RMST: variants seen among roughly 807,000 people sequenced by gnomAD.
RMST encodes long intergenic non-protein coding RNA 54.
intron 11 of RMST, chr12:97,551,880 GAT>G (rs1883334326): frequency 6.6e-6 from 1 of 152,154 alleles, no homozygotes; most frequent in Non-Finnish European, 1.5e-5. Flanking sequence ...AATGGACCAA[GAT>G]AACATTTGAG....
At chr12:97,530,981 G>A (rs1565932984) in intron 11 of RMST, 1 of 147,586 alleles carries the variant, frequency 6.8e-6, no homozygotes, top group Non-Finnish European at 1.5e-5. Context: ...TATGCTTTTC[G>A]GGCATTTATA....
Position 97,508,642 on chromosome 12 carries a change from T to G in RMST, n.1340+12586T>G, listed in dbSNP as rs915686608. ...CCATCCCCTTATACTGGCATCAGTC[T>G]GCCCAGGGTGTAACTTTTTTGTTGT... is the stretch of plus-strand genomic sequence containing the variant. On this transcript the variant is annotated intron_variant and non_coding_transcript_variant, in intron 10 of 13. Transcript: ENST00000640149. Among the ~76,000 whole-genome samples, 40 of 152,226 alleles carry G rather than the reference T, an allele frequency of 2.6e-4. 1 individual carries two copies. The highest frequency in any genetic ancestry group is 2.6e-4 in the Admixed American group (4 of 15,288).
At chr12:97,519,566 A>AT (rs1367293995) in intron 10 of RMST, among the ~76,000 whole-genome samples, 13 of 152,090 alleles carry the variant, frequency 8.5e-5, no homozygotes, top group Admixed American at 3.3e-4. Context: ...CAATCGTATA[A>AT]TTTTTTCCCC....
At chr12:97,531,231 T>A (rs548925685) in intron 11 of RMST, among the ~76,000 whole-genome samples, 1 of 152,140 alleles carries the variant, frequency 6.6e-6, no homozygotes, top group South Asian at 2.1e-4. Context: ...TATTTTCTAT[T>A]GTGTCAACTA....
chr12:97,536,563 G>T (rs1461619407), intron 11 of RMST, among the ~76,000 whole-genome samples: 1 of 151,450 alleles, frequency 6.6e-6, no homozygotes, highest in East Asian at 1.9e-4. Flanking sequence ...AAGAGATGCT[G>T]ATATGTGGTA....
At chr12:97,482,682 T>C (rs984061173) in intron 5 of RMST, among the ~76,000 whole-genome samples, 2 of 99,044 alleles carry the variant, frequency 2.0e-5, no homozygotes, top group Non-Finnish European at 3.8e-5. Context: ...ATATTTAATT[T>C]ATTTATTATT....
chr12:97,561,704 C>T (rs1189866409), intron 13 of RMST, among the ~76,000 whole-genome samples: 1 of 112,674 alleles, frequency 8.9e-6, no homozygotes, highest in African/African-American at 3.5e-5. Flanking sequence ...GAGAGGATTG[C>T]TTCCATCCCA....
chr12:97,532,647 T>TG (rs1881749644), intron 11 of RMST: 1 of 145,398 alleles, frequency 6.9e-6, no homozygotes. Flanking sequence ...GATGTCCCGT[T>TG]TTTTTTTTTT....
intron 5 of RMST, among the ~76,000 whole-genome samples, chr12:97,484,650 G>A (rs1875860230): frequency 2.0e-5 from 3 of 152,158 alleles, no homozygotes; most frequent in Admixed American, 1.3e-4. Flanking sequence ...GAAATAAGCT[G>A]AGAGAGCAAG....
chr12:97,549,905 G>A (rs1035337362), intron 11 of RMST, among the ~76,000 whole-genome samples: 3 of 152,180 alleles, frequency 2.0e-5, no homozygotes, highest in African/African-American at 7.2e-5. Context: ...AGAGAACAAA[G>A]TGAAATAACC....
At chr12:97,555,641 AT>A (rs1302090408) in intron 11 of RMST, among the ~76,000 whole-genome samples, 1 of 152,114 alleles carries the variant, frequency 6.6e-6, no homozygotes, top group African/African-American at 2.4e-5. Context: ...AATAAGAGAG[AT>A]TTTCATTTAT....
At chr12:97,520,909 A>C (rs1050054786) in intron 10 of RMST, among the ~76,000 whole-genome samples, 1 of 152,240 alleles carries the variant, frequency 6.6e-6, no homozygotes, top group Admixed American at 6.5e-5. Context: ...GTTTGATAGG[A>C]GTGAGAAAGT....
intron 10 of RMST, among the ~76,000 whole-genome samples, chr12:97,510,360 T>C (rs1879146981): frequency 6.6e-6 from 1 of 152,176 alleles, no homozygotes; most frequent in Admixed American, 6.5e-5. Context: ...TTGGTTTTCA[T>C]TGTTAGATCT....
chr12:97,482,748 TTATTAAATAAATTTA>T (rs1396080747), intron 5 of RMST, among the ~76,000 whole-genome samples: 1,277 of 44,320 alleles, frequency 0.029, no homozygotes, highest in Middle Eastern at 0.054. Flanking sequence ...TATTATTTAT[TTATTAAATAAATTTA>T]TATTATTTAT....
At chr12:97,482,722 TTATTAAATAAATTTA>T (rs1258965194) in intron 5 of RMST, among the ~76,000 whole-genome samples, 10 of 63,182 alleles carry the variant, frequency 1.6e-4, no homozygotes, top group Admixed American at 2.9e-4. Flanking sequence ...TATTATTTAT[TTATTAAATAAATTTA>T]TATTATTTAT....
At chr12:97,553,814 C>T (rs1883480815) in intron 11 of RMST, among the ~76,000 whole-genome samples, 2 of 151,920 alleles carry the variant, frequency 1.3e-5, no homozygotes, top group Non-Finnish European at 2.9e-5. Context: ...GCCTCATTCC[C>T]AGCATGAGTA....
intron 11 of RMST, among the ~76,000 whole-genome samples, chr12:97,554,497 T>C (rs970422741): frequency 2.6e-5 from 4 of 152,078 alleles, no homozygotes; most frequent in Non-Finnish European, 5.9e-5. Flanking sequence ...TGGAGACTTG[T>C]ATATCATCAC....
chr12:97,504,408 A>C (rs1476526213), intron 10 of RMST, among the ~76,000 whole-genome samples: 3 of 151,196 alleles, frequency 2.0e-5, no homozygotes, highest in African/African-American at 7.3e-5. Context: ...CATTTCAAAA[A>C]AAAAAAAAAA....
At chr12:97,497,678 G>GTT (rs1271604430) in intron 10 of RMST, among the ~76,000 whole-genome samples, 38 of 142,502 alleles carry the variant, frequency 2.7e-4, no homozygotes, top group African/African-American at 1.0e-3. Flanking sequence ...GCACAAGGAT[G>GTT]ATTTTTTTTT....
Sources: allele counts gnomAD v4.1 joint callset (sites outside exome capture counted in the v4.1 genomes callset), GRCh38; gene constraint gnomAD v4.1.1; transcripts MANE v1.5; gene names NCBI Gene and HGNC (gene_info 2026-07-23, HGNC 2026-07-21).